ASTN1: variants seen among roughly 807,000 people sequenced by gnomAD.
The protein encoded by ASTN1 is astrotactin 1.
Under a neutral mutation model 140.7 loss-of-function variants are expected in ASTN1, and 41 were observed. That is an observed-to-expected ratio of 0.29 (90% confidence interval 0.23 to 0.38). ASTN1 has a LOEUF of 0.38. Among genes scored for constraint, ASTN1 ranks in the 10% least tolerant of loss-of-function variants. The probability of loss-of-function intolerance (pLI) is 1.00; values close to 1 mark genes in which losing one functional copy is unlikely to be tolerated. For synonymous variants in ASTN1, 640 were observed against 652.2 expected, an observed-to-expected ratio of 0.98 and a Z score of 0.29; for missense variants, 1,479 against 1,678.8, an observed-to-expected ratio of 0.88 and a Z score of 2.08.
At chr1:176,877,267 T>C (rs1356821318) in intron 20 of ASTN1, among the ~76,000 whole-genome samples, 1 of 152,156 alleles carries the variant, frequency 6.6e-6, no homozygotes, top group African/African-American at 2.4e-5. Context: ...ATCACACTAG[T>C]TCTCTTCAGT....
rs754102426 is a variant in ASTN1, at chr1:176,958,498, G to A, written c.1599-16C>T. 1.9e-6 allele frequency: 3 copies of A among 1,600,692 alleles called. No individual in the cohort carries two copies. Among genetic ancestry groups the A allele is most frequent in the Non-Finnish European group, 2.6e-6 (3 of 1,173,184 alleles). Reference sequence around the variant, plus strand: ...GTAGGTGAATCTGCAGGGACACCCAGTGCCAGGTGGTCATGACTGGGGGCA... The same window carrying A: ...GTAGGTGAATCTGCAGGGACACCCAATGCCAGGTGGTCATGACTGGGGGCA... On this transcript the variant is annotated splice_polypyrimidine_tract_variant and intron_variant, in intron 9 of 22. Coordinates refer to ENST00000361833, the MANE Select transcript of ASTN1 (RefSeq NM_004319.3).
chr1:177,097,058 CTACCCAG>C (rs1680062415), intron 1 of ASTN1, among the ~76,000 whole-genome samples: 1 of 151,780 alleles, frequency 6.6e-6, no homozygotes, highest in East Asian at 1.9e-4. Context: ...TTTTAATAAG[CTACCCAG>C]TATACGGTAT....
rs1172889797 is a variant in ASTN1 at position 176,888,198 on chromosome 1, G to T, written c.2947C>A (p.Gln983Lys). 6 of 1,613,764 alleles carry T rather than the reference G, an allele frequency of 3.7e-6. No homozygotes were observed. Among genetic ancestry groups the T allele is most frequent in the Non-Finnish European group, 5.1e-6 (6 of 1,179,960 alleles). The change falls in exon 18 of 23, where the codon CAG becomes AAG. Residue 983 changes from glutamine (Q) to lysine (K), a missense_variant. Gln to Lys is a moderately conservative substitution (Grantham distance 53, BLOSUM62 1). Coordinates refer to ENST00000361833, the MANE Select transcript of ASTN1 (RefSeq NM_004319.3). ...VTNNQTQRLLQEATMSSLWCS... is the reference protein window; with the variant it reads ...VTNNQTQRLLKEATMSSLWCS... ...CAGAGAGAGCTCATGGTAGCCTCCT[G>T]CAAGAGCTGCATAAGAGAACAGGGA...
chr1:176,994,055 G>A (rs1037672705), intron 8 of ASTN1, among the ~76,000 whole-genome samples: 8 of 127,616 alleles, frequency 6.3e-5, no homozygotes, highest in East Asian at 2.0e-4. Context: ...AATAGCCTCC[G>A]CTTCGTTCAT....
chr1:176,863,735 C>G lies in ASTN1; in HGVS notation c.*549G>C, dbSNP rs57121166. 3.0e-6 allele frequency: 3 copies of G among 986,574 alleles called. No individual in the cohort carries two copies. Among genetic ancestry groups the G allele is most frequent in the East Asian group, 1.1e-4 (1 of 8,814 alleles). The allele number at this position is 986,574 out of a possible 1,614,324, so 61.1% of individuals were successfully genotyped here. On this transcript the variant is annotated 3_prime_UTR_variant, in exon 23 of 23. Coordinates refer to ENST00000361833, the MANE Select transcript of ASTN1 (RefSeq NM_004319.3). ...GTGATAGCAAGGCCTAGGAAGAAAA[C>G]CAGGAGACACAGACAAGGGCCACCT... is the stretch of plus-strand genomic sequence containing the variant.
chr1:177,035,945 G>C (rs981938501), intron 2 of ASTN1, among the ~76,000 whole-genome samples: 3 of 151,580 alleles, frequency 2.0e-5, no homozygotes, highest in Admixed American at 1.3e-4. Flanking sequence ...GTTTTGCTAA[G>C]CCAGTATATT....
chr1:177,097,537 G>A lies in ASTN1; in HGVS notation c.284-36272C>T, dbSNP rs137955125. On this transcript the variant is annotated intron_variant, in intron 1 of 22. Coordinates refer to ENST00000361833, the MANE Select transcript of ASTN1 (RefSeq NM_004319.3). ...ATATCATGATAAAATAAAAACTATA[G>A]AAATATATCTTTCGTCTTTATCTCT... is the stretch of plus-strand genomic sequence containing the variant. Among the ~76,000 whole-genome samples the A allele has an allele frequency of 1.6e-3, 245 of 152,220 alleles. 1 individual carries two copies. Among genetic ancestry groups the A allele is most frequent in the African/African-American group, 5.6e-3 (232 of 41,538 alleles).
At chr1:177,024,561 A>T in intron 6 of ASTN1, 22 bp downstream of exon 6, 1 of 1,610,334 alleles carries the variant, frequency 6.2e-7, no homozygotes, top group Non-Finnish European at 8.5e-7. Flanking sequence ...GCAAGGTCGC[A>T]TCCTCAGAAG....
At position 176,882,895 on chromosome 1, in the gene ASTN1, A is replaced by T; in HGVS notation, c.3326T>A (p.Leu1109Gln). Residue 1109 changes from leucine to glutamine, a missense_variant, in exon 20 of 23, where the codon CTG (leucine) becomes CAG (glutamine). Leu to Gln is a moderately radical substitution (Grantham distance 113, BLOSUM62 -2). Transcript: ENST00000361833. The part of the protein sequence containing the change: ...VPDKQLTTIS[L>Q]IIRCLEPDTI... ...GTCAGGTTCCAGGCATCGTATGATC[A>T]GAGAGATGGTGGTGAGCTGCTTGTC... 1 of 1,614,158 alleles carries T rather than the reference A, an allele frequency of 6.2e-7. No homozygotes were observed. Among genetic ancestry groups the T allele is most frequent in the Non-Finnish European group, 8.5e-7 (1 of 1,180,018 alleles).
intron 7 of ASTN1, among the ~76,000 whole-genome samples, chr1:177,018,429 G>C (rs1675664087): frequency 6.6e-6 from 1 of 152,200 alleles, no homozygotes; most frequent in Admixed American, 6.5e-5. Context: ...GCAAAGAAGA[G>C]GGCAGCTGGT....
intron 2 of ASTN1, among the ~76,000 whole-genome samples, chr1:177,038,153 C>T (rs1469962786): frequency 6.6e-6 from 1 of 152,200 alleles, no homozygotes; most frequent in Non-Finnish European, 1.5e-5. Flanking sequence ...CATCCTGGGT[C>T]CTGGGTCATA....
intron 1 of ASTN1, among the ~76,000 whole-genome samples, chr1:177,098,301 G>A (rs575589184): frequency 2.6e-5 from 4 of 152,214 alleles, no homozygotes; most frequent in Admixed American, 6.5e-5. Flanking sequence ...GGTTGTTGGC[G>A]TGAAAAACCC....
At chr1:176,948,409 A>G (rs751433966) in intron 12 of ASTN1, among the ~76,000 whole-genome samples, 18 of 152,202 alleles carry the variant, frequency 1.2e-4, no homozygotes, top group African/African-American at 2.9e-4. Context: ...ATGTCTTTAA[A>G]TATAATTCCA....
At chr1:177,095,314 T>A (rs1031536902) in intron 1 of ASTN1, among the ~76,000 whole-genome samples, 1 of 152,204 alleles carries the variant, frequency 6.6e-6, no homozygotes, top group South Asian at 2.1e-4. Context: ...AACCTTTTCA[T>A]AAGGAGATTA....
intron 7 of ASTN1, among the ~76,000 whole-genome samples, chr1:177,016,013 C>G (rs927017598): frequency 6.6e-6 from 1 of 152,106 alleles, no homozygotes; most frequent in Non-Finnish European, 1.5e-5. Flanking sequence ...ATTTCTTTAT[C>G]TCCCCAGAAA....
At position 176,917,516 on chromosome 1, in the gene ASTN1, C is replaced by T. The variant is rs116155962; in HGVS notation, c.2671+16636G>A. Reference sequence around the variant, plus strand: ...GCAGATCCAGAAGCCAAAGACATGCCCGGGCAGTGGGACAAGCCTCTGGAG... The same window carrying T: ...GCAGATCCAGAAGCCAAAGACATGCTCGGGCAGTGGGACAAGCCTCTGGAG... On this transcript the variant is annotated intron_variant, in intron 16 of 22. Coordinates refer to ENST00000361833, the MANE Select transcript of ASTN1 (RefSeq NM_004319.3). Among the ~76,000 whole-genome samples the T allele has an allele frequency of 5.6e-3, 851 of 152,250 alleles. 8 individuals are homozygous for T. Among genetic ancestry groups the T allele is most frequent in the African/African-American group, 0.019 (807 of 41,552 alleles).
intron 8 of ASTN1, among the ~76,000 whole-genome samples, chr1:177,001,110 A>G (rs1029823993): frequency 6.6e-6 from 1 of 152,206 alleles, no homozygotes; most frequent in Non-Finnish European, 1.5e-5. Context: ...GGTAGCTACT[A>G]TTATTCTTAG....
chr1:177,147,515 C>G lies in ASTN1; in HGVS notation c.283+16879G>C, dbSNP rs757138956. Among the ~76,000 whole-genome samples, 4 of 152,210 alleles carry G rather than the reference C, an allele frequency of 2.6e-5. No homozygotes were observed. The South Asian group carries it at 8.3e-4, about 32-fold the overall frequency. Reference sequence around the variant, plus strand: ...ATGAGTGCATGGAGTGCTGAGAATACAGGAGTACAAACAGCCTTCAAAAGA... The same window carrying G: ...ATGAGTGCATGGAGTGCTGAGAATAGAGGAGTACAAACAGCCTTCAAAAGA... On this transcript the variant is annotated intron_variant, in intron 1 of 22. Coordinates refer to ENST00000361833, the MANE Select transcript of ASTN1 (RefSeq NM_004319.3).
chr1:176,989,186 T>C (rs1674045986), intron 8 of ASTN1, among the ~76,000 whole-genome samples: 1 of 152,222 alleles, frequency 6.6e-6, no homozygotes, highest in Non-Finnish European at 1.5e-5. Flanking sequence ...CACATGTGAT[T>C]ATAAGTGTGA....
Sources: allele counts gnomAD v4.1 joint callset (sites outside exome capture counted in the v4.1 genomes callset), GRCh38; gene constraint gnomAD v4.1.1; transcripts MANE v1.5; gene names NCBI Gene and HGNC (gene_info 2026-07-23, HGNC 2026-07-21).